ACTR6: variants seen among roughly 807,000 people sequenced by gnomAD.
ACTR6 encodes the protein actin related protein 6.
A neutral mutation model predicts 52.5 loss-of-function variants in ACTR6; 50 were observed. The observed-to-expected ratio is 0.95, with a 90% CI of 0.76 to 1.20. ACTR6 has a LOEUF of 1.20. Among genes scored for constraint, ACTR6 ranks in the 50% most tolerant of loss-of-function variants. The pLI, the probability that ACTR6 is intolerant of heterozygous loss-of-function variation, is 0.00. For missense variants in ACTR6, 344 were observed against 472.4 expected (o/e 0.73, Z 2.52); for synonymous variants, 135 against 147.2 (o/e 0.92, Z 0.60).
intron 4 of ACTR6, among the ~76,000 whole-genome samples, chr12:100,209,255 AGGTG>A (rs1384238024): frequency 0.016 from 2,453 of 152,230 alleles, 64 homozygotes; most frequent in African/African-American, 0.056. Context: ...AATCTCAACC[AGGTG>A]TAGTGGCTCA....
intron 3 of ACTR6, among the ~76,000 whole-genome samples, chr12:100,207,001 CATAACAGCCCCAAT>C (rs1396846823): frequency 6.6e-6 from 1 of 151,886 alleles, no homozygotes; most frequent in African/African-American, 2.4e-5. Flanking sequence ...CATTTAGAAA[CATAACAGCCCCAAT>C]ATTTGTTGTA....
At position 100,223,888 on chromosome 12, in the gene ACTR6, C is replaced by A. The variant is rs142651429; in HGVS notation, c.1164C>A (p.Ser388Arg). 1 of 1,607,792 alleles carries A rather than the reference C, an allele frequency of 6.2e-7. No individual in the cohort carries two copies. Among genetic ancestry groups the A allele is most frequent in the Non-Finnish European group, 8.5e-7 (1 of 1,178,334 alleles). The change falls in exon 11 of 11, where the codon AGC becomes AGA. Residue 388 changes from serine (S) to arginine (R), a missense_variant. Transcript: ENST00000188312. ...TREDYEENGH[S>R]VCEEKFDI The stretch of plus-strand genomic sequence containing the variant: ...AAGATTACGAAGAAAATGGACATAG[C>A]GTCTGTGAAGAGAAATTTGATATTT...
chr12:100,209,787 C>A (rs1050685009), intron 4 of ACTR6, among the ~76,000 whole-genome samples: 2 of 152,108 alleles, frequency 1.3e-5, no homozygotes, highest in African/African-American at 4.8e-5. Context: ...AATAAATGAT[C>A]AGTAAAAATG....
intron 10 of ACTR6, among the ~76,000 whole-genome samples, chr12:100,223,357 A>G (rs996135323): frequency 6.6e-6 from 1 of 152,110 alleles, no homozygotes; most frequent in Non-Finnish European, 1.5e-5. Flanking sequence ...AAAAAGAAAG[A>G]AAGTGGGAGT....
rs192753650 is a variant in ACTR6 at position 100,223,473 on chromosome 12, A to G, written c.1062-313A>G. Among the ~76,000 whole-genome samples, 678 of 152,222 alleles carry G rather than the reference A, an allele frequency of 4.5e-3. 4 individuals are homozygous for G. Among genetic ancestry groups the G allele is most frequent in the South Asian group, 7.4e-3 (36 of 4,834 alleles). ...AGTTTTTCCTTTTAGGCATCTTTTG[A>G]TCTTTTGCTTATATCCTTGTTTTTT... On this transcript the variant is annotated intron_variant, in intron 10 of 10. Coordinates refer to ENST00000188312, the MANE Select transcript of ACTR6 (RefSeq NM_022496.5).
intron 10 of ACTR6, among the ~76,000 whole-genome samples, chr12:100,223,559 G>C (rs988279720): frequency 4.6e-5 from 7 of 152,146 alleles, no homozygotes; most frequent in Admixed American, 3.3e-4. Flanking sequence ...TTACTATTTT[G>C]TAGCGGTAAA....
chr12:100,206,869 G>A lies in ACTR6; in HGVS notation c.256-794G>A, dbSNP rs373970108. ...TTTTTTTTGTATTTTTAGTAGAGAT[G>A]GGGTTTCACCGTGTTGGCCAGGCTG... On this transcript the variant is annotated intron_variant, in intron 3 of 10. Transcript: ENST00000188312. 2.7e-3 allele frequency among the ~76,000 whole-genome samples: 389 copies of A among 145,748 alleles called. 2 individuals carry two copies. Among genetic ancestry groups the A allele is most frequent in the African/African-American group, 9.4e-3 (366 of 38,910 alleles).
intron 9 of ACTR6, among the ~76,000 whole-genome samples, chr12:100,219,158 A>AT (rs1164616606): frequency 7.4e-6 from 1 of 135,362 alleles, no homozygotes; most frequent in Admixed American, 7.2e-5. Context: ...CTTTCCTCTC[A>AT]TTAAAAAAAA....
At chr12:100,221,336 G>A (rs2096128126) in intron 10 of ACTR6, among the ~76,000 whole-genome samples, 1 of 152,112 alleles carries the variant, frequency 6.6e-6, no homozygotes, top group South Asian at 2.1e-4. Context: ...CAAGTTAATA[G>A]AAGGCCCTCA....
intron 1 of ACTR6, among the ~76,000 whole-genome samples, chr12:100,201,902 C>T (rs910019679): frequency 6.6e-6 from 1 of 151,480 alleles, no homozygotes; most frequent in African/African-American, 2.4e-5. Flanking sequence ...GTATTAGGGG[C>T]GTGAGCCCTA....
chr12:100,202,175 C>T (rs1347944526), intron 1 of ACTR6, among the ~76,000 whole-genome samples: 1 of 152,176 alleles, frequency 6.6e-6, no homozygotes, highest in Non-Finnish European at 1.5e-5. Context: ...TCGTGATCTG[C>T]CTGCTTCAGC....
chr12:100,204,841 A>T, intron 1 of ACTR6, 99 bp from the exon 2 acceptor site: 1 of 742,612 alleles, frequency 1.3e-6, no homozygotes, highest in Non-Finnish European at 2.3e-6. Flanking sequence ...TACCAATCTT[A>T]GGATACGCTA....
Position 100,205,762 on chromosome 12 carries a change from GTATT to G in ACTR6, c.255+19_255+22del. The G allele has an allele frequency of 7.3e-7, 1 of 1,370,668 alleles. No homozygotes were observed. The highest frequency in any genetic ancestry group is 9.8e-7 in the Non-Finnish European group (1 of 1,024,486). The allele number at this position is 1,370,668 out of a possible 1,614,324, so 84.9% of individuals were successfully genotyped here. On this transcript the variant is annotated intron_variant, in intron 3 of 10. Coordinates refer to ENST00000188312, the MANE Select transcript of ACTR6 (RefSeq NM_022496.5). ...TGTATCAGGTAACAAATTAGAGTATGTATTAAAATTCTATTTCCATGTTTAATTG... is the reference window on the plus strand; with the variant it reads ...TGTATCAGGTAACAAATTAGAGTATGAAAATTCTATTTCCATGTTTAATTG...
In ACTR6 at chr12:100,205,068, T is replaced by C; in HGVS notation, c.186+11T>C. On this transcript the variant is annotated intron_variant, in intron 2 of 10. Transcript: ENST00000188312. ...CTCCCTTTTCAAAAGGTAATCCAAT[T>C]AATTATGTTTCATTTCTAGCATTGT... 6.8e-7 allele frequency: 1 copy of C among 1,474,792 alleles called. No individual in the cohort carries two copies. Among genetic ancestry groups the C allele is most frequent in the Non-Finnish European group, 9.4e-7 (1 of 1,069,364 alleles). 91.4% of individuals were successfully genotyped at this position (1,474,792 alleles called of 1,614,324 possible). A position where few individuals can be genotyped will look rare whatever the true frequency, so the allele number is the denominator to read the frequency against.
chr12:100,208,140 G>T (rs1219320459), intron 4 of ACTR6, among the ~76,000 whole-genome samples: 1 of 151,802 alleles, frequency 6.6e-6, no homozygotes, highest in African/African-American at 2.4e-5. Context: ...GACAGAGTGA[G>T]ATCCTGTCTC....
chr12:100,202,395 C>A (rs1475627862), intron 1 of ACTR6, among the ~76,000 whole-genome samples: 1 of 152,040 alleles, frequency 6.6e-6, no homozygotes, highest in African/African-American at 2.4e-5. Context: ...ATAACAAATT[C>A]AAGCTTCTTA....
chr12:100,210,452 C>T, intron 6 of ACTR6, 101 bp downstream of exon 6: 1 of 1,268,544 alleles, frequency 7.9e-7, no homozygotes, highest in Non-Finnish European at 1.1e-6. Flanking sequence ...GTCATTGTGA[C>T]TCACGCCTGT....
At chr12:100,201,331 A>G (rs970134115) in intron 1 of ACTR6, among the ~76,000 whole-genome samples, 2 of 152,234 alleles carry the variant, frequency 1.3e-5, no homozygotes, top group African/African-American at 4.8e-5. Flanking sequence ...CCAAAAGTCT[A>G]AAAATCACGG....
chr12:100,201,063 G>A (rs879288557), intron 1 of ACTR6, 144 bp downstream of exon 1: 6 of 1,507,528 alleles, frequency 4.0e-6, no homozygotes, highest in Admixed American at 2.2e-5. Context: ...GGAGCTGGGT[G>A]GGTGATTGTG....
Sources: gnomAD v4.1 joint callset for allele counts (sites outside exome capture counted in the v4.1 genomes callset) on GRCh38, gnomAD v4.1.1 for gene constraint, MANE v1.5 for transcripts, NCBI Gene and HGNC (gene_info 2026-07-23, HGNC 2026-07-21) for gene names.